The following TNRC6B variants were observed in gnomAD, a reference collection of about 807,000 sequenced individuals.
The protein encoded by TNRC6B is trinucleotide repeat-containing gene 6B protein.
In TNRC6B, 52 loss-of-function variants were observed where a neutral mutation model predicts 203.6. The observed-to-expected ratio is 0.26, with a 90% CI of 0.20 to 0.32. The LOEUF (loss-of-function observed/expected upper bound fraction) is 0.32, where lower values mean the gene tolerates loss of function less well. TNRC6B is among the 10% of genes least tolerant of loss of function. The pLI is 1.00. For synonymous variants in TNRC6B, 838 were observed against 845.7 expected (o/e 0.99, Z 0.16); for missense variants, 1,923 against 2,286.2 (o/e 0.84, Z 3.24).
At chr22:40,141,973 G>A (rs1235793343) in intron 3 of TNRC6B, among the ~76,000 whole-genome samples, 9 of 151,436 alleles carry the variant, frequency 5.9e-5, no homozygotes, top group Non-Finnish European at 1.2e-4. Context: ...TGTTAGCCAG[G>A]ATGGTCTTGA....
At chr22:40,259,785 G>C (rs1240409706) in intron 3 of TNRC6B, among the ~76,000 whole-genome samples, 1 of 152,192 alleles carries the variant, frequency 6.6e-6, no homozygotes, top group African/African-American at 2.4e-5. Context: ...AGTTCAGCAA[G>C]CAACATGCTG....
chr22:40,087,576 G>C (rs1212681779), intron 1 of TNRC6B, among the ~76,000 whole-genome samples: 1 of 152,150 alleles, frequency 6.6e-6, no homozygotes, highest in Non-Finnish European at 1.5e-5. Flanking sequence ...GTGATTAACT[G>C]GGGGGAGCCT....
At chr22:40,054,354 G>A (rs2067775186) in intron 1 of TNRC6B, among the ~76,000 whole-genome samples, 1 of 152,126 alleles carries the variant, frequency 6.6e-6, no homozygotes, top group South Asian at 2.1e-4. Context: ...CTTGCTGAGT[G>A]TACTCTCACC....
Position 40,266,713 on chromosome 22 carries a change from AGCC to A in TNRC6B, c.2490_2492del (p.Pro832del), listed in dbSNP as rs1392664163. 1 of 1,613,900 alleles carries A rather than the reference AGCC, an allele frequency of 6.2e-7. No individual in the cohort carries two copies. ...CACCAACAGCAGCAGCCCCCACAGC[AGCC>A]GCCGCCACCACAACCAGAGGCTTCT... On this transcript the variant is annotated inframe_deletion, in exon 5 of 23. Coordinates refer to ENST00000454349, the MANE Select transcript of TNRC6B (RefSeq NM_001162501.2).
At chr22:40,311,798 C>T (rs1336060779) in intron 17 of TNRC6B, among the ~76,000 whole-genome samples, 1 of 152,238 alleles carries the variant, frequency 6.6e-6, no homozygotes, top group African/African-American at 2.4e-5. Context: ...CCGCCTCGGC[C>T]TCCCAAAGTG....
intron 1 of TNRC6B, among the ~76,000 whole-genome samples, chr22:40,081,823 T>C (rs2068066108): frequency 6.6e-6 from 1 of 152,184 alleles, no homozygotes; most frequent in South Asian, 2.1e-4. Context: ...TGTTTATCTC[T>C]GAAACTCAAT....
At chr22:40,247,762 G>A (rs1284386649) in intron 2 of TNRC6B, among the ~76,000 whole-genome samples, 1 of 151,946 alleles carries the variant, frequency 6.6e-6, no homozygotes, top group Non-Finnish European at 1.5e-5. Flanking sequence ...ATTCTGGAGT[G>A]AAAAGTCTAA....
At chr22:40,264,313 C>T (rs1016430659) in intron 4 of TNRC6B, among the ~76,000 whole-genome samples, 5 of 152,162 alleles carry the variant, frequency 3.3e-5, no homozygotes, top group African/African-American at 1.2e-4. Flanking sequence ...CTCCATACAG[C>T]AGTGATATAA....
chr22:40,155,282 C>T (rs911813149), intron 3 of TNRC6B, among the ~76,000 whole-genome samples: 1 of 151,890 alleles, frequency 6.6e-6, no homozygotes, highest in African/African-American at 2.4e-5. Flanking sequence ...ATAATGCAAA[C>T]TTTTTGTTGT....
chr22:40,284,362 T>G (rs932916138), intron 11 of TNRC6B, among the ~76,000 whole-genome samples: 16 of 152,252 alleles, frequency 1.1e-4, no homozygotes, highest in African/African-American at 3.6e-4. Context: ...TAGGTTTTAA[T>G]GAAGCCATTA....
intron 1 of TNRC6B, among the ~76,000 whole-genome samples, chr22:40,091,148 A>T (rs898194228): frequency 4.7e-5 from 7 of 147,798 alleles, no homozygotes; most frequent in Non-Finnish European, 1.1e-4. Context: ...CACCCGCATA[A>T]TTTTTTTTTT....
At chr22:40,216,845 A>T (rs2069642130) in intron 1 of TNRC6B, among the ~76,000 whole-genome samples, 1 of 152,192 alleles carries the variant, frequency 6.6e-6, no homozygotes, top group African/African-American at 2.4e-5. Flanking sequence ...CTCAGTTGAA[A>T]CCTAATTCTC....
At position 40,133,403 on chromosome 22, in the gene TNRC6B, T is replaced by G. The variant is rs191091712; in HGVS notation, c.45+7541T>G. Among the ~76,000 whole-genome samples the G allele has an allele frequency of 5.4e-3, 822 of 152,328 alleles. 1 individual carries two copies. Among genetic ancestry groups the G allele is most frequent in the Non-Finnish European group, 8.9e-3 (606 of 68,034 alleles). On this transcript the variant is annotated intron_variant, in intron 3 of 23. Coordinates refer to the TNRC6B transcript ENST00000301923. ...GTTGCTGATGTCGTAGGTACAGGCA[T>G]GCAAAGTGATTTATGTAAGACATGG...
At chr22:40,102,853 T>TGAGC (rs2068251619) in intron 1 of TNRC6B, among the ~76,000 whole-genome samples, 2 of 151,706 alleles carry the variant, frequency 1.3e-5, no homozygotes, top group Non-Finnish European at 2.9e-5. Context: ...CTGAGGCCGG[T>TGAGC]GGATCACGAG....
At chr22:40,154,858 AAAATATATATATATATATAT>A (rs1430728150) in intron 3 of TNRC6B, among the ~76,000 whole-genome samples, 18 of 34,302 alleles carry the variant, frequency 5.2e-4, no homozygotes, top group East Asian at 1.7e-3. Context: ...AAAAAAAAAA[AAAATATATATATATATATAT>A]ATATATATAT....
At chr22:40,109,644 A>G (rs2068315891) in intron 1 of TNRC6B, among the ~76,000 whole-genome samples, 1 of 152,232 alleles carries the variant, frequency 6.6e-6, no homozygotes, top group Admixed American at 6.5e-5. Flanking sequence ...ATTAAGATAA[A>G]CAAGAGCTCT....
rs1271094622 is a variant in TNRC6B, at chr22:40,321,235, T to C, written c.5114+6T>C. On this transcript the variant is annotated splice_donor_region_variant and intron_variant, in intron 22 of 22. Transcript: ENST00000454349. ...GCCCAAACTGCACTGCACATGTGAG[T>C]ATTCGGTCCTACACCCACGTAGACA... 1 of 1,613,334 alleles carries C rather than the reference T, an allele frequency of 6.2e-7. No homozygotes were observed. Among genetic ancestry groups the C allele is most frequent in the Non-Finnish European group, 8.5e-7 (1 of 1,179,800 alleles).
intron 1 of TNRC6B, chr22:40,107,188 C>A: frequency 1.9e-6 from 1 of 527,552 alleles, no homozygotes; most frequent in East Asian, 3.1e-5. Context: ...AGAAATCCTT[C>A]CCTACCCCTA....
At chr22:40,299,564 T>A (rs886776425) in intron 12 of TNRC6B, among the ~76,000 whole-genome samples, 9 of 152,142 alleles carry the variant, frequency 5.9e-5, no homozygotes, top group Non-Finnish European at 1.2e-4. Flanking sequence ...AACCTTTTTA[T>A]TTTTTTAAAG....
Sources: allele counts gnomAD v4.1 joint callset (sites outside exome capture counted in the v4.1 genomes callset), GRCh38; gene constraint gnomAD v4.1.1; transcripts MANE v1.5; gene names NCBI Gene and HGNC (gene_info 2026-07-23, HGNC 2026-07-21).